The following CCDC126 variants were observed in gnomAD, a reference collection of about 807,000 sequenced individuals.
CCDC126 encodes coiled-coil domain containing 126.
CCDC126 carries 5 observed loss-of-function variants against 11.7 expected under a neutral mutation model. The ratio of observed to expected loss-of-function variants is 0.43; its 90% CI spans 0.22 to 0.90. The LOEUF (loss-of-function observed/expected upper bound fraction) is 0.90, where lower values mean the gene tolerates loss of function less well. Among genes scored for constraint, CCDC126 ranks in the 40% least tolerant of loss-of-function variants. The pLI is 0.27. For missense variants in CCDC126, 150 were observed against 163.1 expected, an observed-to-expected ratio of 0.92 and a Z score of 0.44; for synonymous variants, 60 against 61.9, an observed-to-expected ratio of 0.97 and a Z score of 0.14.
At chr7:23,601,021 C>G (rs1162391123) in intron 2 of CCDC126, among the ~76,000 whole-genome samples, 1 of 150,944 alleles carries the variant, frequency 6.6e-6, no homozygotes, top group African/African-American at 2.4e-5. Context: ...TTGAGACTGG[C>G]CTGGGCAACA....
At chr7:23,623,612 A>G (rs1442517845) in intron 3 of CCDC126, among the ~76,000 whole-genome samples, 1 of 143,392 alleles carries the variant, frequency 7.0e-6, no homozygotes, top group African/African-American at 2.5e-5. Flanking sequence ...AAAAAAAAAA[A>G]TTTAGTGATG....
intron 3 of CCDC126, among the ~76,000 whole-genome samples, chr7:23,636,168 C>T (rs1783206882): frequency 6.6e-6 from 1 of 152,222 alleles, no homozygotes; most frequent in African/African-American, 2.4e-5. Context: ...ACTCAGTGCT[C>T]AATGGTGCCC....
At chr7:23,638,001 C>A (rs1283861388) in intron 3 of CCDC126, among the ~76,000 whole-genome samples, 3 of 128,940 alleles carry the variant, frequency 2.3e-5, no homozygotes, top group Non-Finnish European at 5.2e-5. Flanking sequence ...GCCGCCCTAT[C>A]CAGGAGGTGA....
At chr7:23,605,397 G>A (rs1043045606) in intron 2 of CCDC126, among the ~76,000 whole-genome samples, 2 of 106,154 alleles carry the variant, frequency 1.9e-5, no homozygotes, top group African/African-American at 7.8e-5. Context: ...AATGTGATAT[G>A]CTTGTGTGTG....
intron 1 of CCDC126, 119 bp from the exon 2 acceptor site, chr7:23,597,848 C>T (rs1049609889): frequency 2.0e-5 from 3 of 152,232 alleles, no homozygotes; most frequent in Admixed American, 1.3e-4. Context: ...CGCCTCGGCT[C>T]GGGCGGAGAG....
At chr7:23,608,039 G>T (rs894117057) in intron 2 of CCDC126, among the ~76,000 whole-genome samples, 2 of 152,140 alleles carry the variant, frequency 1.3e-5, no homozygotes, top group Non-Finnish European at 2.9e-5. Context: ...TAAGTTTAAG[G>T]CGTCATGAAT....
intron 3 of CCDC126, among the ~76,000 whole-genome samples, chr7:23,618,418 A>T (rs2128017390): frequency 6.6e-6 from 1 of 152,256 alleles, no homozygotes; most frequent in Admixed American, 6.5e-5. Context: ...TTGCCTCCTT[A>T]AGGTAAACTA....
At chr7:23,630,094 T>C (rs1783084448) in intron 3 of CCDC126, among the ~76,000 whole-genome samples, 1 of 152,206 alleles carries the variant, frequency 6.6e-6, no homozygotes. Context: ...AAGACAAGTT[T>C]TAAAATTTGT....
chr7:23,606,104 G>T (rs1782619004), intron 2 of CCDC126, among the ~76,000 whole-genome samples: 1 of 151,910 alleles, frequency 6.6e-6, no homozygotes. Context: ...TGTCGCCCAG[G>T]CTGGAGTGCA....
At chr7:23,635,371 TAG>T (rs1783191643) in intron 3 of CCDC126, among the ~76,000 whole-genome samples, 1 of 152,250 alleles carries the variant, frequency 6.6e-6, no homozygotes, top group Non-Finnish European at 1.5e-5. Context: ...TTCTTACTGC[TAG>T]CACCTTCAGT....
intron 2 of CCDC126, among the ~76,000 whole-genome samples, chr7:23,602,933 A>G (rs1021115762): frequency 3.9e-5 from 6 of 152,118 alleles, no homozygotes; most frequent in Admixed American, 1.3e-4. Context: ...TTTCACATCT[A>G]TGGTTCCTGG....
At chr7:23,622,164 T>C (rs1782916195) in intron 3 of CCDC126, among the ~76,000 whole-genome samples, 1 of 152,194 alleles carries the variant, frequency 6.6e-6, no homozygotes, top group Non-Finnish European at 1.5e-5. Flanking sequence ...TGGTACCAGC[T>C]CCTCCTTGTA....
At chr7:23,637,083 G>A (rs1253401550) in intron 3 of CCDC126, among the ~76,000 whole-genome samples, 5 of 97,652 alleles carry the variant, frequency 5.1e-5, no homozygotes, top group South Asian at 4.4e-4. Context: ...GGTGGTGGGG[G>A]TCAGCCCCCC....
intron 3 of CCDC126, among the ~76,000 whole-genome samples, chr7:23,633,935 T>C (rs530951755): frequency 6.6e-6 from 1 of 152,358 alleles, no homozygotes; most frequent in South Asian, 2.1e-4. Context: ...TTAGTGGTGG[T>C]AAAGTATTGA....
intron 3 of CCDC126, among the ~76,000 whole-genome samples, chr7:23,640,565 C>T (rs1212429507): frequency 6.6e-6 from 1 of 152,042 alleles, no homozygotes; most frequent in East Asian, 1.9e-4. Flanking sequence ...TGTTGTGCAG[C>T]CATCACTACT....
chr7:23,619,400 G>C (rs867934870), intron 3 of CCDC126: 20 of 413,872 alleles, frequency 4.8e-5, no homozygotes, highest in Admixed American at 1.4e-4. Flanking sequence ...AGAGATCAGA[G>C]GCTTAAAGAA....
intron 3 of CCDC126, among the ~76,000 whole-genome samples, chr7:23,641,966 CTCTT>C (rs1440815852): frequency 6.6e-6 from 1 of 152,194 alleles, no homozygotes; most frequent in African/African-American, 2.4e-5. Context: ...TTCATGGACT[CTCTT>C]TCTTAGCTAG....
intron 3 of CCDC126, among the ~76,000 whole-genome samples, chr7:23,635,314 GT>G (rs1255175885): frequency 3.9e-5 from 6 of 152,216 alleles, no homozygotes; most frequent in Non-Finnish European, 7.3e-5. Context: ...TAGGATCTCT[GT>G]TTCCAAGTTG....
chr7:23,611,920 G>A (rs1415560392), intron 3 of CCDC126, among the ~76,000 whole-genome samples: 1 of 152,160 alleles, frequency 6.6e-6, no homozygotes. Flanking sequence ...GAGGCGGATG[G>A]ATCACGAGGT....
Sources: gnomAD v4.1 joint callset for allele counts (sites outside exome capture counted in the v4.1 genomes callset) on GRCh38, gnomAD v4.1.1 for gene constraint, MANE v1.5 for transcripts, NCBI Gene and HGNC (gene_info 2026-07-23, HGNC 2026-07-21) for gene names.